BOP1: variants seen among roughly 807,000 people sequenced by gnomAD.
BOP1 encodes BOP1 ribosomal biogenesis factor.
A neutral mutation model predicts 82.9 loss-of-function variants in BOP1; 54 were observed. That is an observed-to-expected ratio of 0.65 (90% CI 0.52 to 0.82). The LOEUF is 0.82. Among genes scored for constraint, BOP1 ranks in the 40% least tolerant of loss-of-function variants. The pLI, the probability that BOP1 is intolerant of heterozygous loss-of-function variation, is 0.00. For synonymous variants in BOP1, 566 were observed against 451.1 expected, an observed-to-expected ratio of 1.25 and a Z score of -3.23; for missense variants, 1,170 against 1,072.0, an observed-to-expected ratio of 1.09 and a Z score of -1.28.
At chr8:144,262,797 TACACC>T in intron 13 of BOP1, 51 bp downstream of exon 13, 2 of 470,718 alleles carry the variant, frequency 4.2e-6, no homozygotes, top group Non-Finnish European at 6.9e-6. Context: ...ACCTGCAGGG[TACACC>T]GCCCCCCCCC....
At chr8:144,277,923 A>G (rs1845596137) in intron 2 of BOP1, among the ~76,000 whole-genome samples, 1 of 150,636 alleles carries the variant, frequency 6.6e-6, no homozygotes, top group South Asian at 2.1e-4. Context: ...TAACTTAAAA[A>G]TTAGAGGAAA....
chr8:144,287,338 T>A (rs1221858270), intron 2 of BOP1, among the ~76,000 whole-genome samples: 4 of 152,078 alleles, frequency 2.6e-5, no homozygotes, highest in African/African-American at 9.7e-5. Flanking sequence ...ATCATTAACA[T>A]GTAAATGTGT....
intron 3 of BOP1, chr8:144,266,706 C>T (rs1845376532): frequency 1.6e-6 from 2 of 1,227,632 alleles, no homozygotes; most frequent in East Asian, 5.8e-5. Flanking sequence ...GCGGCAGCGA[C>T]AGCTCGGGCT....
chr8:144,271,500 C>T (rs1588595925), intron 3 of BOP1, among the ~76,000 whole-genome samples: 1 of 152,068 alleles, frequency 6.6e-6, no homozygotes, highest in East Asian at 1.9e-4. Flanking sequence ...CGCGCCGCTC[C>T]CCTGCACAAA....
chr8:144,275,468 T>C (rs371421411), intron 3 of BOP1, among the ~76,000 whole-genome samples: 23 of 51,472 alleles, frequency 4.5e-4, no homozygotes, highest in Non-Finnish European at 4.0e-4. Context: ...CTCTCCACGC[T>C]GGCGGAGCCC....
At chr8:144,273,930 G>C (rs1350279104) in intron 3 of BOP1, among the ~76,000 whole-genome samples, 4 of 152,224 alleles carry the variant, frequency 2.6e-5, no homozygotes, top group African/African-American at 9.6e-5. Context: ...CTGGAGTACA[G>C]CTCTCCTGTG....
Position 144,263,725 on chromosome 8 carries a change from T to C in BOP1, c.1258A>G (p.Ser420Gly). The change falls in exon 10 of 16, where the codon AGT becomes GGT. Residue 420 changes from serine (S) to glycine (G), a missense_variant. By Grantham distance (56) the Ser-to-Gly change is moderately conservative. Transcript: ENST00000569669. Reference protein sequence around the residue: ...RGHSDLVRCLSVSPGGQWLVS... With the variant: ...RGHSDLVRCLGVSPGGQWLVS... ...AGCCACTGGCCCCCAGGAGAGACAC[T>C]GAGGCACCGGACAAGGTCACTGTGG... 1 of 1,575,454 alleles carries C rather than the reference T, an allele frequency of 6.3e-7. No individual in the cohort carries two copies. Among genetic ancestry groups the C allele is most frequent in the Non-Finnish European group, 8.6e-7 (1 of 1,161,822 alleles).
intron 2 of BOP1, among the ~76,000 whole-genome samples, chr8:144,288,713 G>A (rs967896168): frequency 2.6e-5 from 4 of 152,084 alleles, no homozygotes; most frequent in African/African-American, 9.7e-5. Context: ...GCCCAGCTGG[G>A]TTCCGTTGGG....
Position 144,277,820 on chromosome 8 carries a change from G to GGGCAGGGGCGGTGCA in BOP1, c.310-1517_310-1516insTGCACCGCCCCTGCC, listed in dbSNP as rs1554838468. On this transcript the variant is annotated intron_variant, in intron 2 of 15. Transcript: ENST00000569669. Reference sequence around the variant, plus strand: ...GGGGCGGTGCGGGCAGGGGCGGTGCGGGCAGGGGCGGCCACTGCTGGGAAC... The same window carrying GGGCAGGGGCGGTGCA: ...GGGGCGGTGCGGGCAGGGGCGGTGCGGGCAGGGGCGGTGCAGGCAGGGGCGGCCACTGCTGGGAAC... Among the ~76,000 whole-genome samples the GGGCAGGGGCGGTGCA allele has an allele frequency of 3.2e-3, 468 of 145,626 alleles. 12 individuals are homozygous for GGGCAGGGGCGGTGCA. Among genetic ancestry groups the GGGCAGGGGCGGTGCA allele is most frequent in the South Asian group, 0.011 (48 of 4,422 alleles).
chr8:144,281,165 TCGGCCTTCCCTC>T (rs1845671642), intron 2 of BOP1, among the ~76,000 whole-genome samples: 2 of 101,690 alleles, frequency 2.0e-5, no homozygotes, highest in African/African-American at 3.2e-5. Context: ...TACCAGGTCT[TCGGCCTTCCCTC>T]ACTTTCATAC....
At chr8:144,286,110 C>T (rs1178932283) in intron 2 of BOP1, among the ~76,000 whole-genome samples, 2 of 152,192 alleles carry the variant, frequency 1.3e-5, no homozygotes, top group African/African-American at 4.8e-5. Flanking sequence ...AGGGAGTGGC[C>T]GCTCAGCAGG....
At chr8:144,276,115 C>CG (rs1845564412) in intron 3 of BOP1, 109 bp downstream of exon 3, 1 of 1,288,022 alleles carries the variant, frequency 7.8e-7, no homozygotes, top group African/African-American at 1.5e-5. Context: ...GGCCCACCTG[C>CG]GGCAGGTCCC....
intron 2 of BOP1, among the ~76,000 whole-genome samples, chr8:144,276,616 C>T (rs915844817): frequency 6.6e-5 from 10 of 152,174 alleles, no homozygotes; most frequent in Admixed American, 2.0e-4. Flanking sequence ...GGAGCAAAGC[C>T]GCCAGCTGAG....
In BOP1 at chr8:144,291,417, G is replaced by A. The variant is rs1402390863; in HGVS notation, c.-47C>T. On this transcript the variant is annotated 5_prime_UTR_variant, in exon 1 of 16. Coordinates refer to ENST00000569669, the MANE Select transcript of BOP1 (RefSeq NM_015201.5). The surrounding 1 kb of genome is among the most constrained non-coding windows in gnomAD (Gnocchi z 4.1). ...CACCCGCACAGCCGCTTCCGACAGC[G>A]ACCGGGCCGCGTGCGCAGGAGGACG... 88 of 1,094,190 alleles carry A rather than the reference G, an allele frequency of 8.0e-5. No homozygotes were observed. Among genetic ancestry groups the A allele is most frequent in the Admixed American group, 1.0e-4 (2 of 19,926 alleles). The allele number at this position is 1,094,190 out of a possible 1,614,324, so 67.8% of individuals were successfully genotyped here.
At chr8:144,266,596 C>T in intron 3 of BOP1, 1 of 1,106,834 alleles carries the variant, frequency 9.0e-7, no homozygotes, top group Non-Finnish European at 1.1e-6. Flanking sequence ...GAGCTGACGC[C>T]GCGCCCCCGC....
At chr8:144,286,214 T>G (rs1263873626) in intron 2 of BOP1, among the ~76,000 whole-genome samples, 1 of 152,226 alleles carries the variant, frequency 6.6e-6, no homozygotes, top group Non-Finnish European at 1.5e-5. Context: ...CAATTCATTC[T>G]CCTGACCTGG....
At position 144,262,102 on chromosome 8, in the gene BOP1, G is replaced by A; in HGVS notation, c.*62C>T. The A allele has an allele frequency of 6.2e-7, 1 of 1,606,598 alleles. No individual in the cohort carries two copies. On this transcript the variant is annotated 3_prime_UTR_variant, in exon 16 of 16. Transcript: ENST00000569669. ...TTCAAGAAGGTGGGAGCACCAGGCA[G>A]CACAGGGTAAAGGCTCTGTTGACTT... is the stretch of plus-strand genomic sequence containing the variant.
intron 6 of BOP1, 35 bp downstream of exon 6, chr8:144,264,480 A>G: frequency 6.2e-7 from 1 of 1,608,236 alleles, no homozygotes; most frequent in Non-Finnish European, 8.5e-7. Flanking sequence ...CGGGGCGGTC[A>G]GCCCAGGCCA....
At chr8:144,275,993 C>T (rs1554838265) in intron 3 of BOP1, among the ~76,000 whole-genome samples, 2 of 152,214 alleles carry the variant, frequency 1.3e-5, no homozygotes, top group Non-Finnish European at 2.9e-5. Context: ...GGTCCTTCCC[C>T]TTCACAAGCC....
Sources: gnomAD v4.1 joint callset for allele counts (sites outside exome capture counted in the v4.1 genomes callset) on GRCh38, gnomAD v4.1.1 for gene constraint, Gnocchi (gnomAD v3.1) non-coding constraint, MANE v1.5 for transcripts, NCBI Gene and HGNC (gene_info 2026-07-23, HGNC 2026-07-21) for gene names.